Variants in MPHOSPH10 observed in about 807,000 individuals in gnomAD.
MPHOSPH10 encodes the protein M-phase phosphoprotein 10.
A neutral mutation model predicts 77.3 loss-of-function variants in MPHOSPH10; 33 were observed. That is an observed-to-expected ratio of 0.43 (90% CI 0.32 to 0.57). MPHOSPH10 has a LOEUF of 0.57. MPHOSPH10 is among the 20% of genes least tolerant of loss of function. The pLI is 0.07. For missense variants in MPHOSPH10, 708 were observed against 780.1 expected, an observed-to-expected ratio of 0.91 and a Z score of 1.10; for synonymous variants, 245 against 268.0, an observed-to-expected ratio of 0.91 and a Z score of 0.84.
intron 8 of MPHOSPH10, among the ~76,000 whole-genome samples, chr2:71,147,341 G>A (rs1453057147): frequency 2.0e-5 from 3 of 152,182 alleles, no homozygotes. Flanking sequence ...GGAAGAGATG[G>A]AAGAACTGAT....
intron 10 of MPHOSPH10, 91 bp from the exon 11 acceptor site, chr2:71,149,775 A>G: frequency 2.7e-6 from 3 of 1,104,316 alleles, no homozygotes; most frequent in Non-Finnish European, 3.9e-6. Flanking sequence ...TTATGGTTGC[A>G]TACATTGTTG....
At chr2:71,141,157 C>A in intron 6 of MPHOSPH10, 75 bp from the exon 7 acceptor site, 1 of 898,074 alleles carries the variant, frequency 1.1e-6, no homozygotes, top group Non-Finnish European at 1.5e-6. Flanking sequence ...AATAATATTC[C>A]AGAGGAAGAT....
Position 71,130,671 on chromosome 2 carries a change from G to A in MPHOSPH10, c.6G>A (p.Ala2=), listed in dbSNP as rs747592808. ...GTCGGGAGTTGCTGACAGCCATGGCGCCGCAGGTCTGGCGTCGACGGACCC... is the reference window on the plus strand; with the variant it reads ...GTCGGGAGTTGCTGACAGCCATGGCACCGCAGGTCTGGCGTCGACGGACCC... M[A]PQVWRRRTLE... Residue 2 remains alanine (A), a synonymous_variant, in exon 1 of 11, where the codon GCG becomes GCA. Transcript: ENST00000244230. 6.2e-7 allele frequency: 1 copy of A among 1,608,338 alleles called. No individual in the cohort carries two copies. Among genetic ancestry groups the A allele is most frequent in the Non-Finnish European group, 8.5e-7 (1 of 1,177,860 alleles).
intron 10 of MPHOSPH10, 144 bp downstream of exon 10, chr2:71,149,597 C>T (rs1309263858): frequency 2.4e-6 from 2 of 827,022 alleles, no homozygotes; most frequent in Admixed American, 6.0e-5. Context: ...GGAATCGCAA[C>T]CTTTAATGTT....
intron 1 of MPHOSPH10, among the ~76,000 whole-genome samples, chr2:71,132,093 A>G (rs1673398867): frequency 6.6e-6 from 1 of 152,148 alleles, no homozygotes; most frequent in Non-Finnish European, 1.5e-5. Context: ...CTAATTCTTT[A>G]GCAATCCTGT....
chr2:71,136,814 T>G lies in MPHOSPH10; in HGVS notation c.1099-1676T>G, dbSNP rs1673500059. 2.6e-5 allele frequency among the ~76,000 whole-genome samples: 4 copies of G among 151,822 alleles called. No homozygotes were observed. The South Asian group carries it at 8.3e-4, about 32-fold the overall frequency. On this transcript the variant is annotated intron_variant, in intron 4 of 10. Transcript: ENST00000244230. ...TAAATCAAAAATAATTTATTTCAAT[T>G]TCCACATATAAAGAATAAAGTAGAA... is the stretch of plus-strand genomic sequence containing the variant.
Position 71,134,798 on chromosome 2 carries a change from G to T in MPHOSPH10, c.1098+1G>T, listed in dbSNP as rs774610000. 1 of 1,547,684 alleles carries T rather than the reference G, an allele frequency of 6.5e-7. No homozygotes were observed. The highest frequency in any genetic ancestry group is 1.4e-5 in the African/African-American group (1 of 72,002). ...CTCCTTTGAAAAAAGACAGGAAAAG[G>T]TAATTAGTAATTTAAGGAATTTTTA... On this transcript the variant is annotated splice_donor_variant, in intron 4 of 10. Transcript: ENST00000244230. LOFTEE classifies it high-confidence loss of function.
chr2:71,149,499 G>A (rs200008771), intron 10 of MPHOSPH10, 46 bp downstream of exon 10: 62 of 1,533,716 alleles, frequency 4.0e-5, no homozygotes, highest in Non-Finnish European at 1.4e-5. Context: ...CTTTGTGGGG[G>A]AAGTGGATAG....
At chr2:71,147,477 TCCTGGCTAA>T (rs758080872) in intron 8 of MPHOSPH10, among the ~76,000 whole-genome samples, 8 of 152,040 alleles carry the variant, frequency 5.3e-5, no homozygotes, top group Non-Finnish European at 8.8e-5. Context: ...ATCCAGATCA[TCCTGGCTAA>T]CACGGTGAAA....
chr2:71,147,925 A>G, intron 8 of MPHOSPH10, 74 bp from the exon 9 acceptor site: 2 of 1,118,736 alleles, frequency 1.8e-6, no homozygotes, highest in East Asian at 2.4e-5. Flanking sequence ...CTTTAAGTTA[A>G]TAGGTTCACA....
rs758719157 is a variant in MPHOSPH10, at chr2:71,144,974, C to T, written c.1557+436C>T. On this transcript the variant is annotated intron_variant, in intron 8 of 10. Coordinates refer to ENST00000244230, the MANE Select transcript of MPHOSPH10 (RefSeq NM_005791.3). ...ATTAGGTTCTTTACATACACTAACA[C>T]TTAATGCACACAACACTGAGGCAGG... is the stretch of plus-strand genomic sequence containing the variant. Among the ~76,000 whole-genome samples, 3 of 152,214 alleles carry T rather than the reference C, an allele frequency of 2.0e-5. 1 individual carries two copies. The highest frequency in any genetic ancestry group is 4.4e-5 in the Non-Finnish European group (3 of 68,048).
Position 71,133,132 on chromosome 2 carries a change from A to G in MPHOSPH10, c.324A>G (p.Pro108=). 6.2e-7 allele frequency: 1 copy of G among 1,614,112 alleles called. No homozygotes were observed. The highest frequency in any genetic ancestry group is 8.5e-7 in the Non-Finnish European group (1 of 1,179,964). Residue 108 remains proline, a synonymous_variant, in exon 2 of 11, where the codon CCA becomes CCG. Coordinates refer to ENST00000244230, the MANE Select transcript of MPHOSPH10 (RefSeq NM_005791.3). ...TINDEDISLL[P]ESEEQEREED... ...ATGATGAAGATATCAGTCTTCTCCC[A>G]GAGAGTGAAGAACAGGAACGTGAAG...
intron 2 of MPHOSPH10, 147 bp from the exon 3 acceptor site, chr2:71,133,796 ATTTAG>A (rs1052675819): frequency 1.2e-6 from 1 of 819,558 alleles, no homozygotes; most frequent in African/African-American, 1.7e-5. Context: ...CCTAATAATT[ATTTAG>A]TTATTAGTTT....
intron 4 of MPHOSPH10, 33 bp downstream of exon 4, chr2:71,134,830 T>G: frequency 6.9e-7 from 1 of 1,443,820 alleles, no homozygotes; most frequent in African/African-American, 1.4e-5. Flanking sequence ...TTTAATATAC[T>G]TGATATTAAC....
intron 8 of MPHOSPH10, among the ~76,000 whole-genome samples, chr2:71,145,915 G>C (rs538622363): frequency 2.6e-5 from 4 of 152,278 alleles, no homozygotes; most frequent in African/African-American, 7.2e-5. Flanking sequence ...CCTCCTTGCA[G>C]ATGTTCCTTG....
chr2:71,144,987 A>G (rs962433296), intron 8 of MPHOSPH10, among the ~76,000 whole-genome samples: 7 of 152,218 alleles, frequency 4.6e-5, no homozygotes, highest in Non-Finnish European at 5.9e-5. Context: ...AATGCACACA[A>G]CACTGAGGCA....
intron 10 of MPHOSPH10, 65 bp from the exon 11 acceptor site, chr2:71,149,801 A>G (rs1190630436): frequency 2.1e-5 from 29 of 1,352,734 alleles, no homozygotes; most frequent in Non-Finnish European, 2.7e-5. Context: ...GTGATGTACT[A>G]TTTTTGGCTT....
Position 71,138,525 on chromosome 2 carries a change from G to A in MPHOSPH10, c.1134G>A (p.Leu378=), listed in dbSNP as rs554779004. Reference sequence around the variant, plus strand: ...AAATTGCATCTTTAGAAAAAGAGTTGTTAGAAAAAAAGCCGTGGCAGCTTC... The same window carrying A: ...AAATTGCATCTTTAGAAAAAGAGTTATTAGAAAAAAAGCCGTGGCAGCTTC... The part of the protein sequence containing the change: ...NEKIASLEKE[L]LEKKPWQLQG... The change falls in exon 5 of 11, where the codon TTG becomes TTA. Residue 378 remains leucine, a synonymous_variant. Transcript: ENST00000244230. The A allele has an allele frequency of 1.3e-6, 2 of 1,598,954 alleles. No homozygotes were observed. Among genetic ancestry groups the A allele is most frequent in the Non-Finnish European group, 1.7e-6 (2 of 1,174,486 alleles).
At chr2:71,149,763 A>G in intron 10 of MPHOSPH10, 103 bp from the exon 11 acceptor site, 1 of 1,021,640 alleles carries the variant, frequency 9.8e-7, no homozygotes, top group Non-Finnish European at 1.4e-6. Flanking sequence ...CCTTTTTCAT[A>G]TTTATGGTTG....
Sources: allele counts gnomAD v4.1 joint callset (sites outside exome capture counted in the v4.1 genomes callset), GRCh38; gene constraint gnomAD v4.1.1; transcripts MANE v1.5; gene names NCBI Gene and HGNC (gene_info 2026-07-23, HGNC 2026-07-21).